Variants in DIAPH2 observed in about 807,000 individuals in gnomAD.
DIAPH2 encodes protein diaphanous homolog 2.
DIAPH2 carries 35 observed loss-of-function variants against 92.7 expected under a neutral mutation model. That is an observed-to-expected ratio of 0.38 (90% CI 0.29 to 0.50). The LOEUF (loss-of-function observed/expected upper bound fraction) is 0.50, where lower values mean the gene tolerates loss of function less well. Among genes scored for constraint, DIAPH2 ranks in the 20% least tolerant of loss-of-function variants. The pLI is 0.94. For missense variants in DIAPH2, 701 were observed against 819.5 expected (o/e 0.86, Z 1.77); for synonymous variants, 301 against 280.4 (o/e 1.07, Z -0.73).
At chrX:97,268,195 A>G (rs1352528575) in intron 23 of DIAPH2, among the ~76,000 whole-genome samples, 1 of 112,435 alleles carries the variant, frequency 8.9e-6, no homozygotes, top group Non-Finnish European at 1.9e-5. Context: ...CCACTCTTCT[A>G]CTTCTCTCCA....
intron 26 of DIAPH2, among the ~76,000 whole-genome samples, chrX:97,506,561 G>A (rs764146726): frequency 9.4e-6 from 1 of 106,802 alleles, no homozygotes; most frequent in African/African-American, 3.4e-5. Flanking sequence ...GTGTTGAAAC[G>A]ATTACATATT....
intron 23 of DIAPH2, among the ~76,000 whole-genome samples, chrX:97,254,935 A>T (rs1405708578): frequency 3.6e-5 from 4 of 110,102 alleles, no homozygotes; most frequent in African/African-American, 1.3e-4. Context: ...CGAACTCCTG[A>T]CCTTGTGACC....
chrX:96,845,507 G>T (rs1200482427), intron 4 of DIAPH2, among the ~76,000 whole-genome samples: 3 of 111,700 alleles, frequency 2.7e-5, no homozygotes, highest in African/African-American at 9.8e-5. Flanking sequence ...AAAAGACAGG[G>T]ATCTGTTAAC....
At chrX:97,541,661 C>A (rs2071141203) in intron 26 of DIAPH2, among the ~76,000 whole-genome samples, 1 of 112,013 alleles carries the variant, frequency 8.9e-6, no homozygotes, top group African/African-American at 3.2e-5. Flanking sequence ...GAATGGGGGA[C>A]AAACCCAGAG....
intron 5 of DIAPH2, among the ~76,000 whole-genome samples, chrX:96,890,863 G>C (rs1253419576): frequency 8.9e-6 from 1 of 111,790 alleles, no homozygotes; most frequent in Admixed American, 9.5e-5. Flanking sequence ...TCCTATCTCA[G>C]ATCACTCTGT....
At chrX:97,199,696 C>G (rs2067732059) in intron 22 of DIAPH2, among the ~76,000 whole-genome samples, 1 of 111,103 alleles carries the variant, frequency 9.0e-6, no homozygotes, top group Admixed American at 9.6e-5. Context: ...AGGGAAACTT[C>G]CTGAAACCTT....
At chrX:97,575,099 T>C (rs2071392971) in intron 26 of DIAPH2, among the ~76,000 whole-genome samples, 1 of 113,077 alleles carries the variant, frequency 8.8e-6, no homozygotes, top group East Asian at 2.8e-4. Context: ...ATGATTGCTA[T>C]ATGATAGCTG....
At chrX:97,398,786 G>A (rs2069727630) in intron 25 of DIAPH2, among the ~76,000 whole-genome samples, 1 of 101,109 alleles carries the variant, frequency 9.9e-6, no homozygotes, top group Admixed American at 1.1e-4. Flanking sequence ...CTGTCTCCCA[G>A]GCTGGAGTGC....
At chrX:97,127,787 A>C (rs1179020646) in intron 21 of DIAPH2, among the ~76,000 whole-genome samples, 1 of 112,366 alleles carries the variant, frequency 8.9e-6, no homozygotes, top group Non-Finnish European at 1.9e-5. Context: ...CAGGCAGATC[A>C]CTTGAGCTCA....
chrX:97,126,292 A>G (rs980458983), intron 21 of DIAPH2, among the ~76,000 whole-genome samples: 3 of 112,085 alleles, frequency 2.7e-5, no homozygotes, highest in African/African-American at 9.7e-5. Context: ...TTTTCCTGTT[A>G]AATGAAGCCT....
intron 25 of DIAPH2, among the ~76,000 whole-genome samples, chrX:97,389,682 C>G (rs2069637869): frequency 9.0e-6 from 1 of 110,892 alleles, no homozygotes; most frequent in Non-Finnish European, 1.9e-5. Context: ...TGCACAGTAA[C>G]AGACCAATAC....
At chrX:97,324,756 T>G (rs2068935517) in intron 23 of DIAPH2, among the ~76,000 whole-genome samples, 1 of 111,756 alleles carries the variant, frequency 8.9e-6, no homozygotes, top group African/African-American at 3.3e-5. Flanking sequence ...ACCTAAACTA[T>G]CTCTATGAGA....
At chrX:97,317,541 G>T (rs764001994) in intron 23 of DIAPH2, among the ~76,000 whole-genome samples, 1 of 112,033 alleles carries the variant, frequency 8.9e-6, no homozygotes, top group Non-Finnish European at 1.9e-5. Context: ...CTCATACATT[G>T]ATTTGATGAG....
intron 24 of DIAPH2, among the ~76,000 whole-genome samples, chrX:97,377,517 C>T (rs1486588175): frequency 9.0e-6 from 1 of 111,684 alleles, no homozygotes; most frequent in African/African-American, 3.3e-5. Context: ...TATATGTGGT[C>T]CCATCTGTTG....
At chrX:97,108,904 G>A (rs752027670) in intron 20 of DIAPH2, among the ~76,000 whole-genome samples, 4 of 111,063 alleles carry the variant, frequency 3.6e-5, no homozygotes, top group Admixed American at 2.9e-4. Context: ...TAAGGACCCC[G>A]GTTTCTTCAT....
chrX:97,515,251 C>T (rs750650423), intron 26 of DIAPH2, among the ~76,000 whole-genome samples: 7 of 112,497 alleles, frequency 6.2e-5, no homozygotes, highest in East Asian at 2.8e-4. Context: ...GCGCAGTATT[C>T]GGGTGGGAGT....
chrX:97,300,792 C>T (rs1436063702), intron 23 of DIAPH2, among the ~76,000 whole-genome samples: 5 of 98,058 alleles, frequency 5.1e-5, no homozygotes, highest in African/African-American at 1.8e-4. Flanking sequence ...ATTAGCCGGG[C>T]ATGGTGGCGG....
At position 97,348,124 on chromosome X, in the gene DIAPH2, A is replaced by G; in HGVS notation, c.2853A>G (p.Thr951=). ...DKFVEKMTSF[T]KTAREQYEKL... is the part of the protein sequence containing the mutation. ...CCTTAACAAAAAGCTACAGCTTTAC[A>G]AAGACTGCCCGAGAACAGTATGAAA... The change falls in exon 24 of 27, where the codon ACA becomes ACG. Residue 951 remains threonine (T), a synonymous_variant. Transcript: ENST00000324765. 1 of 1,211,375 alleles carries G rather than the reference A, an allele frequency of 8.3e-7. No homozygotes were observed. The highest frequency in any genetic ancestry group is 1.1e-6 in the Non-Finnish European group (1 of 895,295).
chrX:96,862,310 A>G (rs1317288884), intron 4 of DIAPH2, among the ~76,000 whole-genome samples: 1 of 111,960 alleles, frequency 8.9e-6, no homozygotes. Flanking sequence ...TGGTCATCAT[A>G]TTATTAACAA....
Sources: gnomAD v4.1 joint callset for allele counts (sites outside exome capture counted in the v4.1 genomes callset) on GRCh38, gnomAD v4.1.1 for gene constraint, MANE v1.5 for transcripts, NCBI Gene and HGNC (gene_info 2026-07-23, HGNC 2026-07-21) for gene names.